The following FNDC3B variants were observed in gnomAD, a reference collection of about 807,000 sequenced individuals.
The protein encoded by FNDC3B is fibronectin type III domain-containing protein 3B.
Under a neutral mutation model 151.5 loss-of-function variants are expected in FNDC3B, and 12 were observed. That is an observed-to-expected ratio of 0.08 (90% CI 0.05 to 0.13). The LOEUF (loss-of-function observed/expected upper bound fraction) is 0.13. Ranked by LOEUF, FNDC3B falls within the 10% of genes least tolerant of loss-of-function variation. The pLI is 1.00. For synonymous variants in FNDC3B, 528 were observed against 549.0 expected (o/e 0.96, Z 0.54); for missense variants, 1,214 against 1,505.3 (o/e 0.81, Z 3.20).
chr3:172,323,952 A>G (rs902376157), intron 11 of FNDC3B, among the ~76,000 whole-genome samples: 1 of 152,174 alleles, frequency 6.6e-6, no homozygotes, highest in Non-Finnish European at 1.5e-5. Flanking sequence ...CTTCCCCCCA[A>G]AGGTGATGAC....
At chr3:172,116,416 T>C (rs1352002653) in intron 2 of FNDC3B, among the ~76,000 whole-genome samples, 1 of 152,192 alleles carries the variant, frequency 6.6e-6, no homozygotes, top group African/African-American at 2.4e-5. Flanking sequence ...TCACTCCCTA[T>C]TTCCTGTTTC....
rs537628172 is a variant in FNDC3B at position 172,372,530 on chromosome 3, A to C, written c.3009-5740A>C. Among the ~76,000 whole-genome samples, 4 of 152,352 alleles carry C rather than the reference A, an allele frequency of 2.6e-5. No individual in the cohort carries two copies. The East Asian group carries it at 7.7e-4, about 29-fold the overall frequency. ...CTCATGTCATGAAAATAACAAAGTG[A>C]GCATTTTATTTGTATTCCTTGGCCA... On this transcript the variant is annotated intron_variant, in intron 23 of 25. Coordinates refer to ENST00000415807, the MANE Select transcript of FNDC3B (RefSeq NM_022763.4).
chr3:172,114,979 C>A (rs1336674519), intron 2 of FNDC3B, among the ~76,000 whole-genome samples: 1 of 152,204 alleles, frequency 6.6e-6, no homozygotes, highest in Non-Finnish European at 1.5e-5. Context: ...GGCATTAACT[C>A]TAACTTTTCC....
intron 3 of FNDC3B, among the ~76,000 whole-genome samples, chr3:172,136,668 A>T (rs939271692): frequency 3.3e-5 from 5 of 152,202 alleles, no homozygotes; most frequent in Non-Finnish European, 5.9e-5. Context: ...AAGAGATCAA[A>T]ACTCTACTTA....
rs1172962409 is a variant in FNDC3B, at chr3:172,338,909, T to TTTAAA, written c.1852+1509_1852+1510insTAAAT. ...CCACCACTAGGCCGGCTAATTTTTT[T>TTTAAA]TGAATTTTTAGTAGAGACGGGGTTT... On this transcript the variant is annotated intron_variant, in intron 16 of 25. Transcript: ENST00000415807. Among the ~76,000 whole-genome samples the TTTAAA allele has an allele frequency of 2.6e-5, 4 of 152,104 alleles. No homozygotes were observed. In the East Asian group the frequency reaches 5.9e-4, roughly 23 times the overall value.
In FNDC3B at chr3:172,050,733, G is replaced by GTGTGTGTGTGTGTA. The variant is rs397991660; in HGVS notation, c.-29+10963_-29+10964insGTGTGTGTGTGTAT. On this transcript the variant is annotated intron_variant, in intron 1 of 25. Coordinates refer to ENST00000415807, the MANE Select transcript of FNDC3B (RefSeq NM_022763.4). Reference sequence around the variant, plus strand: ...TGTGTGTGTGTGTGTGTGTGTGTGTGTATAGTGTGTATATATACTATATAT... The same window carrying GTGTGTGTGTGTGTA: ...TGTGTGTGTGTGTGTGTGTGTGTGTGTGTGTGTGTGTGTATATAGTGTGTATATATACTATATAT... 6.0e-4 allele frequency among the ~76,000 whole-genome samples: 83 copies of GTGTGTGTGTGTGTA among 137,930 alleles called. 4 individuals are homozygous for GTGTGTGTGTGTGTA. In the East Asian group the frequency reaches 0.013, roughly 22 times the overall value. The allele number at this position is 137,930 out of a possible 152,430, so 90.5% of individuals were successfully genotyped here.
chr3:172,347,146 A>G lies in FNDC3B; in HGVS notation c.2365-66A>G, dbSNP rs1182952705. On this transcript the variant is annotated intron_variant, in intron 20 of 25. Transcript: ENST00000415807. Reference sequence around the variant, plus strand: ...CTCTCTTTCCCATTTTAGTTAATTGAATACAAGCACAGTAGGATTCTCTTC... The same window carrying G: ...CTCTCTTTCCCATTTTAGTTAATTGGATACAAGCACAGTAGGATTCTCTTC... 2.1e-6 allele frequency: 3 copies of G among 1,412,770 alleles called. No individual in the cohort carries two copies. The African/African-American group carries it at 4.3e-5, about 20-fold the overall frequency. The allele number at this position is 1,412,770 out of a possible 1,614,324, so 87.5% of individuals were successfully genotyped here. A position where few individuals can be genotyped will look rare whatever the true frequency, so the allele number is the denominator to read the frequency against.
At chr3:172,290,028 T>C (rs1163754234) in intron 7 of FNDC3B, among the ~76,000 whole-genome samples, 2 of 152,142 alleles carry the variant, frequency 1.3e-5, no homozygotes, top group South Asian at 4.1e-4. Flanking sequence ...TGCTCTTACA[T>C]GGGAAGGAAG....
intron 4 of FNDC3B, among the ~76,000 whole-genome samples, chr3:172,238,875 A>G (rs1727307857): frequency 6.6e-6 from 1 of 152,154 alleles, no homozygotes; most frequent in Admixed American, 6.5e-5. Flanking sequence ...TTGTGATAAA[A>G]TCATGCTTAT....
intron 3 of FNDC3B, among the ~76,000 whole-genome samples, chr3:172,189,666 T>A (rs899102447): frequency 3.3e-5 from 5 of 151,964 alleles, no homozygotes; most frequent in Non-Finnish European, 7.4e-5. Context: ...ATATAAAAAT[T>A]AGCCAGGCAT....
intron 3 of FNDC3B, among the ~76,000 whole-genome samples, chr3:172,214,229 T>G (rs1349715451): frequency 6.6e-6 from 1 of 152,166 alleles, no homozygotes; most frequent in Non-Finnish European, 1.5e-5. Context: ...GTTTTTCACT[T>G]ACAAACAAAA....
At chr3:172,284,111 G>C (rs1444985198) in intron 6 of FNDC3B, among the ~76,000 whole-genome samples, 6 of 152,144 alleles carry the variant, frequency 3.9e-5, no homozygotes, top group Non-Finnish European at 8.8e-5. Flanking sequence ...CATTTATTTA[G>C]TCAAGAAGCG....
At chr3:172,363,034 A>G (rs1318276569) in intron 23 of FNDC3B, among the ~76,000 whole-genome samples, 189 bp downstream of exon 23, 1 of 152,148 alleles carries the variant, frequency 6.6e-6, no homozygotes, top group African/African-American at 2.4e-5. Context: ...ATTTCTAAAC[A>G]TTCTAAAGAT....
chr3:172,271,266 G>C (rs1729186144), intron 6 of FNDC3B, among the ~76,000 whole-genome samples: 1 of 152,082 alleles, frequency 6.6e-6, no homozygotes, highest in Non-Finnish European at 1.5e-5. Context: ...ATTTCACTCA[G>C]ATACTCTTGA....
At chr3:172,386,471 G>A (rs962884792) in intron 25 of FNDC3B, among the ~76,000 whole-genome samples, 9 of 152,286 alleles carry the variant, frequency 5.9e-5, no homozygotes, top group Middle Eastern at 3.4e-3. Context: ...GGCTGGGCGC[G>A]GTGGCTTACG....
At chr3:172,179,867 A>C (rs1723798545) in intron 3 of FNDC3B, among the ~76,000 whole-genome samples, 1 of 75,774 alleles carries the variant, frequency 1.3e-5, no homozygotes, top group African/African-American at 4.7e-5. Flanking sequence ...CCAAAAAAAA[A>C]AAAAAAAAAA....
At chr3:172,304,738 A>G (rs1731107735) in intron 9 of FNDC3B, among the ~76,000 whole-genome samples, 1 of 152,176 alleles carries the variant, frequency 6.6e-6, no homozygotes, top group Non-Finnish European at 1.5e-5. Context: ...TCTCTACAAA[A>G]ATACAAAAAT....
intron 1 of FNDC3B, among the ~76,000 whole-genome samples, chr3:172,052,244 G>GA (rs1391380942): frequency 1.1e-5 from 1 of 88,064 alleles, no homozygotes; most frequent in African/African-American, 3.9e-5. Context: ...TAATTTTTGT[G>GA]GGTTTTTTTT....
intron 8 of FNDC3B, among the ~76,000 whole-genome samples, chr3:172,297,092 A>T (rs1305337987): frequency 6.6e-6 from 1 of 152,196 alleles, no homozygotes; most frequent in African/African-American, 2.4e-5. Flanking sequence ...GAAAGGAAGC[A>T]GTCACCACTC....
Sources: allele counts gnomAD v4.1 joint callset (sites outside exome capture counted in the v4.1 genomes callset), GRCh38; gene constraint gnomAD v4.1.1; transcripts MANE v1.5; gene names NCBI Gene and HGNC (gene_info 2026-07-23, HGNC 2026-07-21).